DPP6: variants seen among roughly 807,000 people sequenced by gnomAD.
DPP6 encodes the protein A-type potassium channel modulatory protein DPP6.
A neutral mutation model predicts 122.6 loss-of-function variants in DPP6; 69 were observed. The observed-to-expected ratio is 0.56, with a 90% CI of 0.46 to 0.69. The LOEUF (loss-of-function observed/expected upper bound fraction) is 0.69, where lower values mean the gene tolerates loss of function less well. DPP6 is among the 30% of genes least tolerant of loss of function. DPP6 has a pLI of 0.00. For missense variants in DPP6, 928 were observed against 1,116.9 expected, an observed-to-expected ratio of 0.83 and a Z score of 2.41; for synonymous variants, 418 against 433.1, an observed-to-expected ratio of 0.97 and a Z score of 0.43.
At chr7:154,222,454 G>C (rs1271348577) in intron 1 of DPP6, among the ~76,000 whole-genome samples, 2 of 150,154 alleles carry the variant, frequency 1.3e-5, no homozygotes, top group Admixed American at 1.3e-4. Context: ...TCAGGAGTTC[G>C]AGACTAGCCT....
intron 1 of DPP6, among the ~76,000 whole-genome samples, chr7:153,952,731 C>A (rs868261643): frequency 3.3e-4 from 51 of 152,292 alleles, no homozygotes; most frequent in African/African-American, 1.2e-3. Context: ...GTTCATAAGT[C>A]TCAGCTAAAT....
intron 1 of DPP6, among the ~76,000 whole-genome samples, chr7:154,130,767 G>A (rs1314395584): frequency 6.6e-6 from 1 of 151,964 alleles, no homozygotes; most frequent in African/African-American, 2.4e-5. Context: ...CCTGTCCCAA[G>A]AGCCTGCAGG....
At chr7:154,778,638 ACACCAC>A (rs199592248) in intron 10 of DPP6, among the ~76,000 whole-genome samples, 6 of 99,040 alleles carry the variant, frequency 6.1e-5, no homozygotes, top group Non-Finnish European at 1.0e-4. Flanking sequence ...CACCACCACC[ACACCAC>A]CACCACCACA....
intron 8 of DPP6, among the ~76,000 whole-genome samples, chr7:154,732,200 C>A (rs575524730): frequency 2.2e-5 from 2 of 91,868 alleles, no homozygotes; most frequent in African/African-American, 1.1e-4. Flanking sequence ...CCACCATGCC[C>A]GGCTAATTTT....
At chr7:154,503,496 C>T (rs950317613) in intron 3 of DPP6, among the ~76,000 whole-genome samples, 5 of 152,200 alleles carry the variant, frequency 3.3e-5, no homozygotes, top group Non-Finnish European at 5.9e-5. Flanking sequence ...TGAAAGCACT[C>T]TGGGAACACA....
chr7:154,427,496 G>A (rs1818011402), intron 1 of DPP6, among the ~76,000 whole-genome samples: 1 of 152,206 alleles, frequency 6.6e-6, no homozygotes. Flanking sequence ...AGAAGAGGCT[G>A]AACTTGACTG....
chr7:153,753,350 C>A, the DPP6 span, among the ~76,000 whole-genome samples: 1 of 152,132 alleles, frequency 6.6e-6, no homozygotes. Flanking sequence ...ATATATTACA[C>A]AATATACAGA....
At chr7:154,756,739 C>T (rs968802999) in intron 8 of DPP6, among the ~76,000 whole-genome samples, 11 of 152,196 alleles carry the variant, frequency 7.2e-5, no homozygotes, top group Non-Finnish European at 1.2e-4. Context: ...ATTCTCCTTC[C>T]TGGCCTCCAC....
chr7:154,727,882 A>G lies in DPP6; in HGVS notation c.878A>G (p.Tyr293Cys), dbSNP rs765918017. The G allele has an allele frequency of 1.2e-6, 2 of 1,612,076 alleles. No individual in the cohort carries two copies. The highest frequency in any genetic ancestry group is 1.7e-6 in the Non-Finnish European group (2 of 1,179,048). ...VIYNGLSDWL[Y>C]EEEILKTHIA... is the part of the protein sequence containing the mutation. ...TACAATGGCCTCAGTGACTGGCTGT[A>G]TGAAGGTAAGATGTGCACAGAGAGA... The change falls in exon 8 of 26, where the codon TAT becomes TGT. Residue 293 changes from tyrosine (Y) to cysteine (C), a missense_variant. Transcript: ENST00000377770.
At chr7:154,571,804 AATCCGTTTT>A (rs1253044629) in intron 5 of DPP6, among the ~76,000 whole-genome samples, 1 of 151,644 alleles carries the variant, frequency 6.6e-6, no homozygotes, top group African/African-American at 2.4e-5. Flanking sequence ...CACATAAACC[AATCCGTTTT>A]AGTTACTTGC....
intron 1 of DPP6, among the ~76,000 whole-genome samples, chr7:154,063,659 CGCTTAGGACCCCCA>C (rs1802441820): frequency 2.2e-5 from 3 of 139,070 alleles, no homozygotes; most frequent in Non-Finnish European, 3.1e-5. Context: ...CCCCCTCTGG[CGCTTAGGACCCCCA>C]TCCCAGCGGG....
chr7:154,837,522 G>A (rs1171046263), intron 16 of DPP6, among the ~76,000 whole-genome samples: 1 of 152,378 alleles, frequency 6.6e-6, no homozygotes, highest in South Asian at 2.1e-4. Context: ...TCCCACTGCT[G>A]AGCCAGCTCT....
intron 6 of DPP6, among the ~76,000 whole-genome samples, chr7:154,642,314 C>T (rs1001803514): frequency 6.6e-6 from 1 of 152,094 alleles, no homozygotes; most frequent in Non-Finnish European, 1.5e-5. Flanking sequence ...CCACTTTGGC[C>T]TGGCATGGTG....
chr7:153,986,642 C>T (rs1042451670), intron 1 of DPP6, among the ~76,000 whole-genome samples: 1 of 152,104 alleles, frequency 6.6e-6, no homozygotes, highest in African/African-American at 2.4e-5. Flanking sequence ...ACATTGAATG[C>T]TGAAAGTTTT....
intron 6 of DPP6, among the ~76,000 whole-genome samples, chr7:154,642,410 GC>G (rs113501352): frequency 0.025 from 3,723 of 151,356 alleles, 82 homozygotes; most frequent in African/African-American, 0.051. Flanking sequence ...CTGGCCTGTT[GC>G]AAAACCCCAT....
At chr7:154,160,972 A>C (rs1361992248) in intron 1 of DPP6, among the ~76,000 whole-genome samples, 1 of 152,184 alleles carries the variant, frequency 6.6e-6, no homozygotes, top group Non-Finnish European at 1.5e-5. Flanking sequence ...CAATTCCCAA[A>C]TTAAAAATAC....
At chr7:154,654,143 T>G (rs866046427) in intron 6 of DPP6, among the ~76,000 whole-genome samples, 1 of 152,220 alleles carries the variant, frequency 6.6e-6, no homozygotes, top group East Asian at 1.9e-4. Context: ...GAGGATGTGC[T>G]TACATTATAT....
intron 5 of DPP6, among the ~76,000 whole-genome samples, chr7:154,600,965 C>A (rs1833389577): frequency 8.3e-6 from 1 of 120,244 alleles, no homozygotes; most frequent in Admixed American, 9.4e-5. Context: ...GTGGTACATG[C>A]CTGTAATCCC....
chr7:154,355,031 G>C (rs1299986976), intron 1 of DPP6, among the ~76,000 whole-genome samples: 2 of 152,160 alleles, frequency 1.3e-5, no homozygotes, highest in Non-Finnish European at 2.9e-5. Flanking sequence ...GGGTGAGGCT[G>C]TTTTGGTGGT....
Sources: allele counts gnomAD v4.1 joint callset (sites outside exome capture counted in the v4.1 genomes callset), GRCh38; gene constraint gnomAD v4.1.1; transcripts MANE v1.5; gene names NCBI Gene and HGNC (gene_info 2026-07-23, HGNC 2026-07-21).